The following WDR7 variants were observed in gnomAD, a reference collection of about 807,000 sequenced individuals.
WDR7 encodes WD repeat domain 7, also known as WD repeat-containing protein 7.
In WDR7, 46 loss-of-function variants were observed where a neutral mutation model predicts 169.4. That is an observed-to-expected ratio of 0.27 (90% CI 0.21 to 0.35). The LOEUF (loss-of-function observed/expected upper bound fraction) is 0.35. Ranked by LOEUF, WDR7 falls within the 10% of genes least tolerant of loss-of-function variation. The pLI is 1.00. For missense variants in WDR7, 1,534 were observed against 1,859.3 expected (o/e 0.83, Z 3.22); for synonymous variants, 612 against 666.8 (o/e 0.92, Z 1.27).
chr18:56,991,494 C>T (rs2047818937), intron 26 of WDR7, among the ~76,000 whole-genome samples: 1 of 152,108 alleles, frequency 6.6e-6, no homozygotes, highest in South Asian at 2.1e-4. Context: ...TGGAGTAATC[C>T]TGAAGGAGGC....
chr18:56,741,852 C>A (rs2043626061), intron 14 of WDR7, among the ~76,000 whole-genome samples: 2 of 152,202 alleles, frequency 1.3e-5, no homozygotes, highest in African/African-American at 4.8e-5. Flanking sequence ...TTTTAAGGAT[C>A]CTTGAATTAG....
chr18:56,874,792 T>A (rs2046001190), intron 20 of WDR7, among the ~76,000 whole-genome samples: 1 of 152,080 alleles, frequency 6.6e-6, no homozygotes, highest in Non-Finnish European at 1.5e-5. Flanking sequence ...GAATAAAGTG[T>A]GATGTGCGGA....
At position 57,027,048 on chromosome 18, in the gene WDR7, A is replaced by T; in HGVS notation, c.4314A>T (p.Ala1438=). 6.2e-7 allele frequency: 1 copy of T among 1,614,072 alleles called. No homozygotes were observed. Among genetic ancestry groups the T allele is most frequent in the Non-Finnish European group, 8.5e-7 (1 of 1,180,020 alleles). The change falls in exon 28 of 28, where the codon GCA becomes GCT. Residue 1438 remains alanine, a synonymous_variant. Coordinates refer to ENST00000254442, the MANE Select transcript of WDR7 (RefSeq NM_015285.3). ...GAAGCATCGGCATGCTGAACTCGGC[A>T]CCTCAGCTGCGCTGCATTAAAACCT... The part of the protein sequence containing the change: ...LLGSIGMLNS[A]PQLRCIKTYQ...
At chr18:56,739,124 C>G (rs1329310743) in intron 14 of WDR7, among the ~76,000 whole-genome samples, 3 of 151,986 alleles carry the variant, frequency 2.0e-5, no homozygotes, top group Non-Finnish European at 4.4e-5. Context: ...TCTCTGAAAA[C>G]TGATATAGTA....
intron 14 of WDR7, among the ~76,000 whole-genome samples, chr18:56,741,274 G>A (rs902342916): frequency 1.3e-5 from 2 of 152,082 alleles, no homozygotes; most frequent in Admixed American, 1.3e-4. Context: ...TGTCATCACT[G>A]TTTGTCCCAT....
chr18:56,750,008 T>G (rs999074398), intron 14 of WDR7, among the ~76,000 whole-genome samples: 4 of 147,022 alleles, frequency 2.7e-5, no homozygotes, highest in East Asian at 2.1e-4. Flanking sequence ...TGTGTATGGG[T>G]GTGTGTGTGT....
intron 21 of WDR7, among the ~76,000 whole-genome samples, chr18:56,916,569 G>A (rs913423076): frequency 1.3e-5 from 2 of 152,162 alleles, no homozygotes; most frequent in African/African-American, 4.8e-5. Flanking sequence ...TGGGAACGAC[G>A]TCACTAGTTT....
In WDR7 at chr18:56,949,156, T is replaced by TCTCTCCCCCTCTC. The variant is rs879455948; in HGVS notation, c.4064+9763_4064+9764insCTCTCCCCCTCTC. 2.2e-3 allele frequency among the ~76,000 whole-genome samples: 320 copies of TCTCTCCCCCTCTC among 143,956 alleles called. 3 individuals are homozygous for TCTCTCCCCCTCTC. The highest frequency in any genetic ancestry group is 7.8e-3 in the African/African-American group (311 of 39,890). 94.4% of individuals were successfully genotyped at this position (143,956 alleles called of 152,430 possible). A position where few individuals can be genotyped will look rare whatever the true frequency, so the allele number is the denominator to read the frequency against. On this transcript the variant is annotated intron_variant, in intron 25 of 27. Coordinates refer to ENST00000254442, the MANE Select transcript of WDR7 (RefSeq NM_015285.3). The stretch of plus-strand genomic sequence containing the variant: ...TCTCTCTCTCTCTCTCTCTCTCTCT[T>TCTCTCCCCCTCTC]TCCCTTTGGCTACAAGCAATCTTTG...
chr18:56,902,893 T>A (rs374888891), intron 21 of WDR7, among the ~76,000 whole-genome samples: 39 of 152,270 alleles, frequency 2.6e-4, no homozygotes, highest in African/African-American at 8.2e-4. Context: ...GGTTAACAGA[T>A]TTTTTCATTC....
chr18:56,686,123 G>A, intron 6 of WDR7, 91 bp downstream of exon 6: 2 of 1,053,606 alleles, frequency 1.9e-6, no homozygotes, highest in Non-Finnish European at 2.7e-6. Context: ...TTTTTTTTAA[G>A]GGGGAAGGAA....
chr18:56,698,572 C>G (rs2025755805), intron 12 of WDR7, among the ~76,000 whole-genome samples: 2 of 149,098 alleles, frequency 1.3e-5, no homozygotes, highest in Admixed American at 6.7e-5. Context: ...CACCACTGCA[C>G]TCCAGCCTGG....
chr18:56,943,406 T>TAAATAAGGC (rs1568279049), intron 25 of WDR7, among the ~76,000 whole-genome samples: 2 of 152,140 alleles, frequency 1.3e-5, no homozygotes, highest in African/African-American at 4.8e-5. Flanking sequence ...TATCTTAGAC[T>TAAATAAGGC]AACCTCTTTA....
At chr18:56,665,190 G>GCCC (rs1402850173) in intron 1 of WDR7, among the ~76,000 whole-genome samples, 1 of 151,934 alleles carries the variant, frequency 6.6e-6, no homozygotes, top group Non-Finnish European at 1.5e-5. Flanking sequence ...CTACTCAGGA[G>GCCC]GCTGGGGCAG....
At position 56,733,618 on chromosome 18, in the gene WDR7, A is replaced by T. The variant is rs192823640; in HGVS notation, c.1989+2021A>T. On this transcript the variant is annotated intron_variant, in intron 14 of 27. Transcript: ENST00000254442. Reference sequence around the variant, plus strand: ...GAAGTAACAGATATTTTATTTTGCTAATTATGTTAATTATACTGGACATTG... The same window carrying T: ...GAAGTAACAGATATTTTATTTTGCTTATTATGTTAATTATACTGGACATTG... Among the ~76,000 whole-genome samples the T allele has an allele frequency of 6.3e-4, 96 of 152,310 alleles. 1 individual carries two copies. The highest frequency in any genetic ancestry group is 2.2e-3 in the African/African-American group (93 of 41,564).
Position 56,669,337 on chromosome 18 carries a change from A to G in WDR7, c.-19-3160A>G, listed in dbSNP as rs75785326. ...TGATTCAATATTAATTTTAATAACA[A>G]TGAGAAAACTAAGCCTCAGAAGTGA... On this transcript the variant is annotated intron_variant, in intron 1 of 27. Transcript: ENST00000254442. Among the ~76,000 whole-genome samples the G allele has an allele frequency of 2.8e-3, 426 of 152,316 alleles. 5 individuals are homozygous for G. In the East Asian group the frequency reaches 0.039, roughly 14 times the overall value.
At chr18:56,710,068 A>G (rs960162828) in intron 12 of WDR7, among the ~76,000 whole-genome samples, 1 of 149,564 alleles carries the variant, frequency 6.7e-6, no homozygotes, top group Non-Finnish European at 1.5e-5. Context: ...CAGTGGCGCA[A>G]TCTCGTCTCA....
intron 19 of WDR7, among the ~76,000 whole-genome samples, chr18:56,790,562 T>C (rs2044468339): frequency 6.6e-6 from 1 of 152,166 alleles, no homozygotes; most frequent in Non-Finnish European, 1.5e-5. Context: ...GATTTTGTTC[T>C]AGTATTGTTT....
chr18:56,971,645 T>C (rs1173904823), intron 26 of WDR7, among the ~76,000 whole-genome samples: 2 of 152,122 alleles, frequency 1.3e-5, no homozygotes, highest in African/African-American at 4.8e-5. Flanking sequence ...TAGGAAGGGC[T>C]TCCTGAAGGA....
chr18:56,924,553 AGCC>A (rs1279132692), intron 22 of WDR7, among the ~76,000 whole-genome samples: 1 of 152,218 alleles, frequency 6.6e-6, no homozygotes, highest in African/African-American at 2.4e-5. Flanking sequence ...GTAAAGGACC[AGCC>A]ATGAGGAGGT....
Sources: allele counts gnomAD v4.1 joint callset (sites outside exome capture counted in the v4.1 genomes callset), GRCh38; gene constraint gnomAD v4.1.1; transcripts MANE v1.5; gene names NCBI Gene and HGNC (gene_info 2026-07-23, HGNC 2026-07-21).